Variants in ZNF589 observed in about 807,000 individuals in gnomAD.
ZNF589 encodes the protein zinc finger protein 589, also known as KRAB-zinc finger protein SZF1-1.
Under a neutral mutation model 13.6 loss-of-function variants are expected in ZNF589, and 17 were observed. The ratio of observed to expected loss-of-function variants is 1.25; its 90% CI spans 0.86 to 1.88. The LOEUF is 1.88. Among genes scored for constraint, ZNF589 ranks in the 40% most tolerant of loss-of-function variants. ZNF589 has a pLI of 0.00. For synonymous variants in ZNF589, 148 were observed against 161.6 expected, an observed-to-expected ratio of 0.92 and a Z score of 0.64; for missense variants, 407 against 434.0, an observed-to-expected ratio of 0.94 and a Z score of 0.55.
intron 3 of ZNF589, among the ~76,000 whole-genome samples, chr3:48,261,856 C>T (rs1248443372): frequency 3.9e-5 from 6 of 152,166 alleles, no homozygotes; most frequent in Non-Finnish European, 8.8e-5. Flanking sequence ...GTAGGTTCAT[C>T]CATTTAAGTT....
intron 2 of ZNF589, among the ~76,000 whole-genome samples, chr3:48,255,487 C>CTTTTTTTTTTTTTTTT (rs1230659894): frequency 1.2e-5 from 1 of 82,788 alleles, no homozygotes; most frequent in Non-Finnish European, 2.3e-5. Flanking sequence ...AGAGTTTTTA[C>CTTTTTTTTTTTTTTTT]TTTTTTTTTT....
chr3:48,247,643 C>CT lies in ZNF589; in HGVS notation c.63dup (p.Ala22CysfsTer9). 6.2e-7 allele frequency: 1 copy of CT among 1,613,024 alleles called. No individual in the cohort carries two copies. Among genetic ancestry groups the CT allele is most frequent in the Non-Finnish European group, 8.5e-7 (1 of 1,179,440 alleles). On this transcript the variant is annotated frameshift_variant, in exon 2 of 4. Coordinates refer to ENST00000354698, the MANE Select transcript of ZNF589 (RefSeq NM_016089.3). LOFTEE classifies it high-confidence loss of function. ...TCCCCAGCTCTGCCTGCCAAGGATT[C>CT]TGCCTGGCCCTGGGAAGAGAAGCCT...
chr3:48,252,081 T>C (rs1475231773), intron 2 of ZNF589, among the ~76,000 whole-genome samples: 2 of 152,076 alleles, frequency 1.3e-5, no homozygotes, highest in African/African-American at 2.4e-5. Flanking sequence ...TTCTCGGTGC[T>C]CTGTTCTGCT....
intron 1 of ZNF589, 149 bp downstream of exon 1, chr3:48,241,363 G>A (rs2033696724): frequency 1.0e-6 from 1 of 992,676 alleles, no homozygotes; most frequent in African/African-American, 1.6e-5. Context: ...CTCCCCTGGG[G>A]GGCCAGGTTC....
intron 1 of ZNF589, among the ~76,000 whole-genome samples, chr3:48,243,436 C>T (rs2033719588): frequency 6.6e-6 from 1 of 152,120 alleles, no homozygotes; most frequent in Non-Finnish European, 1.5e-5. Context: ...GTGCCTCCTT[C>T]CATCCACTCT....
At chr3:48,263,542 A>G (rs566595492) in intron 3 of ZNF589, among the ~76,000 whole-genome samples, 1 of 152,316 alleles carries the variant, frequency 6.6e-6, no homozygotes, top group East Asian at 1.9e-4. Flanking sequence ...GGAGTTCAAG[A>G]CAAGCCTGGC....
At chr3:48,248,101 C>T (rs1203482533) in intron 2 of ZNF589, among the ~76,000 whole-genome samples, 2 of 152,182 alleles carry the variant, frequency 1.3e-5, no homozygotes, top group Admixed American at 6.5e-5. Flanking sequence ...AGAGTTAACT[C>T]TTCTGTATCC....
intron 2 of ZNF589, among the ~76,000 whole-genome samples, chr3:48,251,493 G>A (rs1440012873): frequency 6.6e-6 from 1 of 151,980 alleles, no homozygotes; most frequent in African/African-American, 2.4e-5. Context: ...CTGGGAGGCA[G>A]AGGTTGCAGT....
Position 48,268,627 on chromosome 3 carries a change from C to T in ZNF589, c.936C>T (p.Gly312=). 5.0e-6 allele frequency: 8 copies of T among 1,613,828 alleles called. No homozygotes were observed. The highest frequency in any genetic ancestry group is 6.8e-6 in the Non-Finnish European group (8 of 1,179,982). The change falls in exon 4 of 4, where the codon GGC becomes GGT. Residue 312 remains glycine, a synonymous_variant. Coordinates refer to ENST00000354698, the MANE Select transcript of ZNF589 (RefSeq NM_016089.3). ...KPYVCSHCGR[G]FSCKPYLIRH... ...ATGTGTGCAGCCATTGTGGGCGAGG[C>T]TTTAGCTGCAAGCCATACCTCATCA...
rs1283053265 is a variant in ZNF589 at position 48,269,572 on chromosome 3, C to A, written c.*786C>A. 3.2e-5 allele frequency: 10 copies of A among 308,592 alleles called. No homozygotes were observed. Among genetic ancestry groups the A allele is most frequent in the South Asian group, 6.0e-5 (2 of 33,228 alleles). The allele number at this position is 308,592 out of a possible 1,614,324, so 19.1% of individuals were successfully genotyped here. On this transcript the variant is annotated 3_prime_UTR_variant, in exon 4 of 4. Transcript: ENST00000354698. ...GAAACTTTAGCCACAAGTCCACTCT[C>A]AGCTTACATCAGAGGATACACTCGG...
Position 48,268,641 on chromosome 3 carries a change from C to T in ZNF589, c.950C>T (p.Pro317Leu). 2.5e-6 allele frequency: 4 copies of T among 1,613,740 alleles called. No homozygotes were observed. The highest frequency in any genetic ancestry group is 2.5e-6 in the Non-Finnish European group (3 of 1,179,970). Residue 317 changes from proline (P) to leucine (L), a missense_variant, in exon 4 of 4, where the codon CCA (proline) becomes CTA (leucine). Transcript: ENST00000354698. ...TGTGGGCGAGGCTTTAGCTGCAAGC[C>T]ATACCTCATCAGACATCAGAGGACA... is the stretch of plus-strand genomic sequence containing the variant. ...SHCGRGFSCK[P>L]YLIRHQRTHT... is the part of the protein sequence containing the mutation.
chr3:48,247,547 G>T, intron 1 of ZNF589, 78 bp from the exon 2 acceptor site: 1 of 1,559,418 alleles, frequency 6.4e-7, no homozygotes, highest in South Asian at 1.1e-5. Context: ...CCACAGCCAA[G>T]GCTCAGAGGG....
chr3:48,253,037 T>A (rs1471235757), intron 2 of ZNF589, among the ~76,000 whole-genome samples: 2 of 152,128 alleles, frequency 1.3e-5, no homozygotes, highest in African/African-American at 2.4e-5. Flanking sequence ...GGGCGTTTTT[T>A]ATTTTTATTT....
chr3:48,242,556 G>A (rs1693894547), intron 1 of ZNF589, among the ~76,000 whole-genome samples: 1 of 151,732 alleles, frequency 6.6e-6, no homozygotes, highest in African/African-American at 2.4e-5. Context: ...CTCCCGCCTC[G>A]GTCTCCCAAA....
chr3:48,265,014 C>T (rs981732233), intron 3 of ZNF589, among the ~76,000 whole-genome samples: 1 of 151,894 alleles, frequency 6.6e-6, no homozygotes, highest in Non-Finnish European at 1.5e-5. Context: ...TTCTGTCACC[C>T]AGGCTGGAGT....
chr3:48,268,712 T>C lies in ZNF589; in HGVS notation c.1021T>C (p.Phe341Leu). 6.2e-7 allele frequency: 1 copy of C among 1,614,158 alleles called. No homozygotes were observed. Among genetic ancestry groups the C allele is most frequent in the Non-Finnish European group, 8.5e-7 (1 of 1,180,044 alleles). ...TATGTGCACAGTGTGTGGGCGAGGC[T>C]TTCGTGAAAAGTCAGAGCTCATTAA... ...SFMCTVCGRGFREKSELIKHQ... is the reference protein window; with the variant it reads ...SFMCTVCGRGLREKSELIKHQ... The change falls in exon 4 of 4, where the codon TTT becomes CTT. Residue 341 changes from phenylalanine to leucine, a missense_variant. Coordinates refer to ENST00000354698, the MANE Select transcript of ZNF589 (RefSeq NM_016089.3).
In ZNF589 at chr3:48,268,424, A is replaced by T; in HGVS notation, c.733A>T (p.Arg245Trp). Reference sequence around the variant, plus strand: ...CACAGCAGAAAAATCTTCAGACAAAAGGCAGTCACAGGTGTGCAGGGAGTG... The same window carrying T: ...CACAGCAGAAAAATCTTCAGACAAATGGCAGTCACAGGTGTGCAGGGAGTG... ...AVTAEKSSDKRQSQVCRECGR... is the reference protein window; with the variant it reads ...AVTAEKSSDKWQSQVCRECGR... The change falls in exon 4 of 4, where the codon AGG (arginine) becomes TGG (tryptophan). Residue 245 changes from arginine to tryptophan, a missense_variant. Transcript: ENST00000354698. 2 of 1,614,198 alleles carry T rather than the reference A, an allele frequency of 1.2e-6. No individual in the cohort carries two copies. The highest frequency in any genetic ancestry group is 2.2e-5 in the South Asian group (2 of 91,070).
At chr3:48,256,323 G>T in intron 2 of ZNF589, 1 of 494,590 alleles carries the variant, frequency 2.0e-6, no homozygotes, top group South Asian at 1.6e-5. Flanking sequence ...GGTGCAGGAG[G>T]AACTCTGGAA....
intron 2 of ZNF589, among the ~76,000 whole-genome samples, chr3:48,249,254 C>A (rs1402420581): frequency 6.6e-6 from 1 of 152,112 alleles, no homozygotes; most frequent in Non-Finnish European, 1.5e-5. Context: ...AGGCACGCAC[C>A]ACCACACACA....
Sources: gnomAD v4.1 joint callset for allele counts (sites outside exome capture counted in the v4.1 genomes callset) on GRCh38, gnomAD v4.1.1 for gene constraint, MANE v1.5 for transcripts, NCBI Gene and HGNC (gene_info 2026-07-23, HGNC 2026-07-21) for gene names.